ABCB1: variants seen among roughly 807,000 people sequenced by gnomAD.
The protein encoded by ABCB1 is ATP binding cassette subfamily B member 1.
A neutral mutation model predicts 142.0 loss-of-function variants in ABCB1; 69 were observed. The observed-to-expected ratio is 0.49, with a 90% CI of 0.40 to 0.59. ABCB1 has a LOEUF of 0.59. Ranked by LOEUF, ABCB1 falls within the 20% of genes least tolerant of loss-of-function variation. The pLI, the probability that ABCB1 is intolerant of heterozygous loss-of-function variation, is 0.00. For missense variants in ABCB1, 1,326 were observed against 1,554.7 expected, an observed-to-expected ratio of 0.85 and a Z score of 2.47; for synonymous variants, 532 against 539.2, an observed-to-expected ratio of 0.99 and a Z score of 0.18.
intron 1 of ABCB1, among the ~76,000 whole-genome samples, chr7:87,682,461 A>G (rs1563130071): frequency 2.0e-5 from 3 of 152,208 alleles, no homozygotes; most frequent in Admixed American, 6.5e-5. Context: ...TACTTTTTCA[A>G]TAGTAAGACT....
At chr7:87,528,012 A>G (rs750321104) in intron 21 of ABCB1, among the ~76,000 whole-genome samples, 10 of 152,174 alleles carry the variant, frequency 6.6e-5, no homozygotes, top group Admixed American at 2.0e-4. Context: ...GACATCTCAC[A>G]TGGCAGCAGG....
intron 1 of ABCB1, among the ~76,000 whole-genome samples, chr7:87,620,546 A>T (rs1820187970): frequency 6.6e-6 from 1 of 152,226 alleles, no homozygotes; most frequent in Non-Finnish European, 1.5e-5. Context: ...AATTTACAGA[A>T]AATTACTTCG....
chr7:87,568,267 A>AATAATAATAATAAT (rs775493469), intron 5 of ABCB1, among the ~76,000 whole-genome samples: 4,154 of 100,158 alleles, frequency 0.041, 88 homozygotes, highest in Non-Finnish European at 0.059. Flanking sequence ...TAATAATAAT[A>AATAATAATAATAAT]AAAATTAGCC....
At chr7:87,559,913 T>C (rs1254676431) in intron 8 of ABCB1, among the ~76,000 whole-genome samples, 1 of 152,226 alleles carries the variant, frequency 6.6e-6, no homozygotes, top group African/African-American at 2.4e-5. Context: ...ACCTTTTCTC[T>C]GAGGAAAACT....
chr7:87,694,093 T>A (rs898544286), intron 1 of ABCB1: 21 of 1,489,516 alleles, frequency 1.4e-5, no homozygotes, highest in Non-Finnish European at 1.9e-5. Flanking sequence ...CTTTTTTGTG[T>A]GTTTTTGTTT....
At chr7:87,595,466 T>C (rs1346700418) in intron 3 of ABCB1, among the ~76,000 whole-genome samples, 3 of 152,126 alleles carry the variant, frequency 2.0e-5, no homozygotes. Context: ...CAGCATTCTA[T>C]GTGATTGGTT....
At chr7:87,590,418 G>A (rs1818952126) in intron 3 of ABCB1, among the ~76,000 whole-genome samples, 1 of 152,200 alleles carries the variant, frequency 6.6e-6, no homozygotes, top group African/African-American at 2.4e-5. Flanking sequence ...ATCAGACAGT[G>A]ATAAATATTC....
intron 1 of ABCB1, among the ~76,000 whole-genome samples, chr7:87,615,128 C>A (rs1819993004): frequency 6.6e-6 from 1 of 152,148 alleles, no homozygotes; most frequent in African/African-American, 2.4e-5. Flanking sequence ...TGAGCCCCTG[C>A]GCCCAGCCTT....
In ABCB1 at chr7:87,531,436, A is replaced by C; in HGVS notation, c.2543T>G (p.Ile848Ser). The C allele has an allele frequency of 1.2e-6, 2 of 1,613,476 alleles. No homozygotes were observed. The highest frequency in any genetic ancestry group is 1.7e-6 in the Non-Finnish European group (2 of 1,179,696). ...QNIANLGTGI[I>S]ISFIYGWQLT... ...TTGCCAACCATAGATGAAGGATATA[A>C]TTATTCCTGTCCCAAGATTTGCTAT... The change falls in exon 21 of 28, where the codon ATT becomes AGT. Residue 848 changes from isoleucine to serine, a missense_variant. Transcript: ENST00000622132.
intron 1 of ABCB1, among the ~76,000 whole-genome samples, chr7:87,621,524 A>G (rs1820222610): frequency 6.6e-6 from 1 of 152,142 alleles, no homozygotes; most frequent in Admixed American, 6.5e-5. Flanking sequence ...GAATGCAAAA[A>G]CACTACAGAA....
chr7:87,580,333 TA>T (rs1177944907), intron 4 of ABCB1, among the ~76,000 whole-genome samples: 2 of 152,228 alleles, frequency 1.3e-5, no homozygotes, highest in East Asian at 3.8e-4. Flanking sequence ...TATTTTAGGA[TA>T]AAAAGTGTTT....
intron 20 of ABCB1, 107 bp downstream of exon 20, chr7:87,536,351 A>G (rs1331807393): frequency 1.0e-6 from 1 of 976,974 alleles, no homozygotes; most frequent in Non-Finnish European, 1.6e-6. Context: ...TATTTATTCA[A>G]CATTTTCTTA....
intron 1 of ABCB1, among the ~76,000 whole-genome samples, chr7:87,613,281 T>TG (rs1819921655): frequency 8.3e-6 from 1 of 120,416 alleles, no homozygotes; most frequent in Non-Finnish European, 1.9e-5. Flanking sequence ...TTTTTTTTTT[T>TG]GCCTGATTGC....
At chr7:87,550,635 A>G in intron 10 of ABCB1, 57 bp from the exon 11 acceptor site, 2 of 1,583,982 alleles carry the variant, frequency 1.3e-6, no homozygotes, top group South Asian at 1.1e-5. Flanking sequence ...TTTTAGTGAT[A>G]TTTTGTGGAG....
At chr7:87,696,868 A>G (rs1020985537) in intron 1 of ABCB1, among the ~76,000 whole-genome samples, 12 of 152,184 alleles carry the variant, frequency 7.9e-5, no homozygotes, top group African/African-American at 2.2e-4. Flanking sequence ...GTCCTTGTGG[A>G]TAGTGTGCCC....
Position 87,536,467 on chromosome 7 carries a change from T to C in ABCB1, c.2472A>G (p.Gln824=). The C allele has an allele frequency of 6.2e-7, 1 of 1,613,968 alleles. No individual in the cohort carries two copies. Among genetic ancestry groups the C allele is most frequent in the Non-Finnish European group, 8.5e-7 (1 of 1,179,884 alleles). Residue 824 remains glutamine (Q), a synonymous_variant, in exon 20 of 28, where the codon CAA becomes CAG. Coordinates refer to ENST00000622132, the MANE Select transcript of ABCB1 (RefSeq NM_001348946.2). ...LTTRLANDAA[Q]VKGAIGSRLA... is the part of the protein sequence containing the mutation. Reference sequence around the variant, plus strand: ...GAAAGGAGGCACGTACCCCTTTAACTTGAGCAGCATCATTGGCGAGCCTGG... The same window carrying C: ...GAAAGGAGGCACGTACCCCTTTAACCTGAGCAGCATCATTGGCGAGCCTGG...
intron 3 of ABCB1, among the ~76,000 whole-genome samples, chr7:87,592,194 T>C (rs1430610472): frequency 2.6e-5 from 4 of 152,108 alleles, no homozygotes; most frequent in African/African-American, 7.2e-5. Flanking sequence ...TCAATGCCAA[T>C]GGGACAGATC....
At chr7:87,566,355 CT>C in intron 6 of ABCB1, 114 bp from the exon 7 acceptor site, 2 of 1,112,116 alleles carry the variant, frequency 1.8e-6, no homozygotes, top group Non-Finnish European at 2.7e-6. Flanking sequence ...TGTGCCTATG[CT>C]TTGTTTTATT....
chr7:87,691,134 A>G (rs535018260), intron 1 of ABCB1, among the ~76,000 whole-genome samples: 1 of 152,140 alleles, frequency 6.6e-6, no homozygotes, highest in Non-Finnish European at 1.5e-5. Context: ...AATTAGAAAC[A>G]TATTCAGTCT....
Sources: allele counts gnomAD v4.1 joint callset (sites outside exome capture counted in the v4.1 genomes callset), GRCh38; gene constraint gnomAD v4.1.1; transcripts MANE v1.5; gene names NCBI Gene and HGNC (gene_info 2026-07-23, HGNC 2026-07-21).